Variants in STARD13 observed in about 807,000 individuals in gnomAD.
The protein encoded by STARD13 is stAR-related lipid transfer protein 13.
A neutral mutation model predicts 106.4 loss-of-function variants in STARD13; 62 were observed. The ratio of observed to expected loss-of-function variants is 0.58; its 90% CI spans 0.48 to 0.72. STARD13 has a LOEUF of 0.72. Ranked by LOEUF, STARD13 falls within the 30% of genes least tolerant of loss-of-function variation. STARD13 has a pLI of 0.00. For synonymous variants in STARD13, 565 were observed against 553.0 expected, an observed-to-expected ratio of 1.02 and a Z score of -0.31; for missense variants, 1,387 against 1,424.0, an observed-to-expected ratio of 0.97 and a Z score of 0.42.
At chr13:33,483,705 A>G in the STARD13 span, among the ~76,000 whole-genome samples, 1 of 151,350 alleles carries the variant, frequency 6.6e-6, no homozygotes, top group Non-Finnish European at 1.5e-5. Flanking sequence ...CCACATATAA[A>G]CCCCCCAGTT....
the STARD13 span, among the ~76,000 whole-genome samples, chr13:33,524,658 A>AT: frequency 1.3e-5 from 2 of 152,044 alleles, no homozygotes; most frequent in African/African-American, 2.4e-5. Context: ...CTATATTGGC[A>AT]TTTTTTAAAA....
chr13:33,557,545 T>C, the STARD13 span, among the ~76,000 whole-genome samples: 7 of 152,350 alleles, frequency 4.6e-5, no homozygotes, highest in South Asian at 1.4e-3. Context: ...TATTTTATTA[T>C]TTGCCGTATT....
the STARD13 span, among the ~76,000 whole-genome samples, chr13:33,397,932 T>A: frequency 6.6e-6 from 1 of 152,236 alleles, no homozygotes; most frequent in East Asian, 1.9e-4. Flanking sequence ...CCCCATGAGC[T>A]AAACACGACC....
At chr13:33,169,836 C>G (rs1315312258) in intron 1 of STARD13, among the ~76,000 whole-genome samples, 1 of 152,088 alleles carries the variant, frequency 6.6e-6, no homozygotes, top group East Asian at 1.9e-4. Context: ...GAGCTCAGAT[C>G]CTGAAGATGA....
the STARD13 span, among the ~76,000 whole-genome samples, chr13:33,461,703 G>A: frequency 2.0e-5 from 3 of 152,054 alleles, no homozygotes; most frequent in African/African-American, 7.2e-5. Flanking sequence ...TTTTTTACAG[G>A]GGATTAAAGA....
intron 3 of STARD13, chr13:33,158,629 A>G (rs924121927): frequency 6.6e-6 from 1 of 152,280 alleles, no homozygotes; most frequent in Non-Finnish European, 1.5e-5. Context: ...TGCACAAGGA[A>G]GAAAACAAAG....
chr13:33,642,457 T>G, the STARD13 span, among the ~76,000 whole-genome samples: 1 of 152,246 alleles, frequency 6.6e-6, no homozygotes, highest in Non-Finnish European at 1.5e-5. Flanking sequence ...AGGACGGCTG[T>G]GGGTCTGGTC....
the STARD13 span, among the ~76,000 whole-genome samples, chr13:33,473,761 A>T: frequency 6.6e-6 from 1 of 152,120 alleles, no homozygotes; most frequent in Non-Finnish European, 1.5e-5. Context: ...TGCCAGCCCT[A>T]ACCATGTTCC....
At chr13:33,263,813 C>T (rs1375777298) in intron 1 of STARD13, among the ~76,000 whole-genome samples, 1 of 152,164 alleles carries the variant, frequency 6.6e-6, no homozygotes, top group Non-Finnish European at 1.5e-5. Flanking sequence ...GACAGGAACC[C>T]AGCATTACTG....
chr13:33,662,587 C>T, the STARD13 span, among the ~76,000 whole-genome samples: 251 of 152,250 alleles, frequency 1.6e-3, no homozygotes, highest in African/African-American at 5.2e-3. Context: ...CACGTTCTGC[C>T]GTTTTCAGGC....
the STARD13 span, among the ~76,000 whole-genome samples, chr13:33,644,022 G>A: frequency 6.6e-6 from 1 of 152,218 alleles, no homozygotes. Context: ...TCAGTTTTGA[G>A]GATTTAACTA....
chr13:33,357,630 C>T, the STARD13 span, among the ~76,000 whole-genome samples: 2 of 152,184 alleles, frequency 1.3e-5, no homozygotes, highest in Non-Finnish European at 2.9e-5. Flanking sequence ...AGATCATCAG[C>T]TAATAAGTTG....
the STARD13 span, among the ~76,000 whole-genome samples, chr13:33,651,952 G>A: frequency 2.0e-5 from 3 of 152,276 alleles, no homozygotes; most frequent in Non-Finnish European, 2.9e-5. Context: ...GCTGTCTGGC[G>A]AATATCAACA....
At chr13:33,216,477 A>G (rs1414139211) in intron 1 of STARD13, among the ~76,000 whole-genome samples, 1 of 152,166 alleles carries the variant, frequency 6.6e-6, no homozygotes, top group Non-Finnish European at 1.5e-5. Context: ...AAAACCAAAC[A>G]TCATATATTC....
At chr13:33,334,592 A>G (rs1429070913) in intron 1 of STARD13, among the ~76,000 whole-genome samples, 1 of 152,186 alleles carries the variant, frequency 6.6e-6, no homozygotes, top group Admixed American at 6.5e-5. Context: ...AGAGACCCTC[A>G]AGAGGTGGGA....
chr13:33,644,721 A>G, the STARD13 span, among the ~76,000 whole-genome samples: 5 of 152,138 alleles, frequency 3.3e-5, no homozygotes, highest in African/African-American at 1.2e-4. Flanking sequence ...ACTAGCAACT[A>G]CTTGTGGGTG....
chr13:33,179,290 T>A (rs1885005648), intron 1 of STARD13, among the ~76,000 whole-genome samples: 1 of 152,206 alleles, frequency 6.6e-6, no homozygotes, highest in Non-Finnish European at 1.5e-5. Flanking sequence ...ACACCTCTCA[T>A]TACCTGTGTG....
At chr13:33,364,618 G>T in the STARD13 span, among the ~76,000 whole-genome samples, 1 of 152,178 alleles carries the variant, frequency 6.6e-6, no homozygotes, top group East Asian at 1.9e-4. Flanking sequence ...GGCTGGGCGC[G>T]GTGGCTCACG....
the STARD13 span, among the ~76,000 whole-genome samples, chr13:33,669,077 T>G: frequency 7.2e-5 from 11 of 152,220 alleles, no homozygotes; most frequent in Non-Finnish European, 1.3e-4. Flanking sequence ...TGTAAACTTG[T>G]GCTCTAAGTC....
Sources: gnomAD v4.1 joint callset for allele counts (sites outside exome capture counted in the v4.1 genomes callset) on GRCh38, gnomAD v4.1.1 for gene constraint, MANE v1.5 for transcripts, NCBI Gene and HGNC (gene_info 2026-07-23, HGNC 2026-07-21) for gene names.